The following FGF14 variants were observed in gnomAD, a reference collection of about 807,000 sequenced individuals.
The protein encoded by FGF14 is fibroblast growth factor 14, also known as fibroblast growth factor homologous factor 4.
A neutral mutation model predicts 25.5 loss-of-function variants in FGF14; 5 were observed. That is an observed-to-expected ratio of 0.20 (90% CI 0.10 to 0.41). The LOEUF (loss-of-function observed/expected upper bound fraction) is 0.41, where lower values mean the gene tolerates loss of function less well. Among genes scored for constraint, FGF14 ranks in the 10% least tolerant of loss-of-function variants. The probability of loss-of-function intolerance (pLI) is 1.00; values close to 1 mark genes in which losing one functional copy is unlikely to be tolerated. For synonymous variants in FGF14, 138 were observed against 118.3 expected, an observed-to-expected ratio of 1.17 and a Z score of -1.08; for missense variants, 222 against 320.1, an observed-to-expected ratio of 0.69 and a Z score of 2.34.
intron 1 of FGF14, among the ~76,000 whole-genome samples, chr13:102,288,488 C>T (rs1176461994): frequency 6.6e-6 from 1 of 151,988 alleles, no homozygotes; most frequent in African/African-American, 2.4e-5. Flanking sequence ...CAAAAGTATC[C>T]ACTTTTTGCT....
At chr13:101,748,803 C>A (rs1018251342) in intron 3 of FGF14, among the ~76,000 whole-genome samples, 3 of 144,308 alleles carry the variant, frequency 2.1e-5, no homozygotes, top group Non-Finnish European at 4.5e-5. Flanking sequence ...CCAGCAACTT[C>A]ACTTCTGAGT....
intron 3 of FGF14, among the ~76,000 whole-genome samples, chr13:101,775,368 G>C (rs2039042350): frequency 6.6e-6 from 1 of 152,116 alleles, no homozygotes; most frequent in South Asian, 2.1e-4. Flanking sequence ...GCTAGAAAAA[G>C]AGAATGTATG....
intron 1 of FGF14, among the ~76,000 whole-genome samples, chr13:102,054,012 G>A (rs1032814455): frequency 2.0e-5 from 3 of 152,088 alleles, no homozygotes; most frequent in South Asian, 2.1e-4. Context: ...ATTGCAAGCA[G>A]GTAAGCAATA....
At chr13:101,772,018 C>T (rs904204312) in intron 3 of FGF14, among the ~76,000 whole-genome samples, 5 of 151,954 alleles carry the variant, frequency 3.3e-5, no homozygotes, top group Non-Finnish European at 7.4e-5. Flanking sequence ...ATACAACAGC[C>T]ATTCACATTC....
chr13:102,126,837 G>T (rs192420773), intron 1 of FGF14, among the ~76,000 whole-genome samples: 13 of 152,208 alleles, frequency 8.5e-5, no homozygotes, highest in Admixed American at 7.9e-4. Flanking sequence ...AGAAAACTGG[G>T]ACTAACAAAA....
At chr13:101,885,861 C>T (rs1027312587) in intron 1 of FGF14, among the ~76,000 whole-genome samples, 1 of 152,066 alleles carries the variant, frequency 6.6e-6, no homozygotes, top group Non-Finnish European at 1.5e-5. Context: ...TTTAAAATAC[C>T]ACACTCAGGA....
intron 1 of FGF14, among the ~76,000 whole-genome samples, chr13:101,949,865 T>G (rs1423451477): frequency 1.3e-5 from 2 of 152,210 alleles, no homozygotes; most frequent in African/African-American, 4.8e-5. Context: ...ACTTCCCTTT[T>G]CTAGAAATTC....
intron 1 of FGF14, among the ~76,000 whole-genome samples, chr13:102,025,651 T>C (rs913983692): frequency 6.6e-6 from 1 of 152,016 alleles, no homozygotes; most frequent in East Asian, 1.9e-4. Flanking sequence ...TCAAGTCATC[T>C]GCCTGTCTCA....
At position 102,004,762 on chromosome 13, in the gene FGF14, G is replaced by T. The variant is rs540967514; in HGVS notation, c.209-129466C>A. Among the ~76,000 whole-genome samples the T allele has an allele frequency of 3.1e-3, 467 of 152,262 alleles. 4 individuals are homozygous for T. Among genetic ancestry groups the T allele is most frequent in the African/African-American group, 0.011 (439 of 41,554 alleles). ...GATGGGAGGTAATTGAATCATGGGG[G>T]CTGTAACCCCCATGCTGCTGTTCTC... On this transcript the variant is annotated intron_variant, in intron 1 of 4. Coordinates refer to the FGF14 transcript ENST00000376131.
At chr13:101,744,022 A>G (rs1288319456) in intron 3 of FGF14, among the ~76,000 whole-genome samples, 1 of 152,198 alleles carries the variant, frequency 6.6e-6, no homozygotes, top group African/African-American at 2.4e-5. Flanking sequence ...GCAGCATTGT[A>G]AAATTGAGAT....
chr13:101,844,041 G>A (rs2043324647), intron 3 of FGF14, among the ~76,000 whole-genome samples: 1 of 151,966 alleles, frequency 6.6e-6, no homozygotes, highest in African/African-American at 2.4e-5. Flanking sequence ...TAAATGAAAT[G>A]TGTTAAAGGA....
At chr13:102,235,608 G>A (rs1467954629) in intron 1 of FGF14, among the ~76,000 whole-genome samples, 1 of 152,176 alleles carries the variant, frequency 6.6e-6, no homozygotes, top group Non-Finnish European at 1.5e-5. Context: ...AAAGGATCAG[G>A]ATCAGGGAAG....
At chr13:102,191,303 G>C (rs903578092) in intron 1 of FGF14, among the ~76,000 whole-genome samples, 3 of 152,146 alleles carry the variant, frequency 2.0e-5, no homozygotes, top group Non-Finnish European at 4.4e-5. Context: ...CTGTGTGCTT[G>C]GGCTGCCACA....
intron 1 of FGF14, among the ~76,000 whole-genome samples, chr13:102,154,357 A>C (rs2047223370): frequency 6.6e-6 from 1 of 151,700 alleles, no homozygotes; most frequent in Non-Finnish European, 1.5e-5. Context: ...GTGGGGGCCA[A>C]TATTCAACAT....
intron 1 of FGF14, among the ~76,000 whole-genome samples, chr13:102,317,638 G>C (rs575632506): frequency 6.6e-5 from 10 of 151,762 alleles, no homozygotes; most frequent in Non-Finnish European, 1.0e-4. Context: ...TAACATACTT[G>C]AGAGGCTTGA....
At chr13:101,973,299 C>A (rs1460981048) in intron 1 of FGF14, among the ~76,000 whole-genome samples, 2 of 151,976 alleles carry the variant, frequency 1.3e-5, no homozygotes, top group African/African-American at 4.8e-5. Context: ...TAAAATATAT[C>A]CATTCTTTCA....
chr13:102,202,106 C>T (rs183161018), intron 1 of FGF14, among the ~76,000 whole-genome samples: 19 of 152,234 alleles, frequency 1.2e-4, no homozygotes, highest in African/African-American at 2.9e-4. Context: ...TCGCCTTCAC[C>T]GCGACTGTAA....
chr13:102,176,881 C>T (rs2048471782), intron 1 of FGF14, among the ~76,000 whole-genome samples: 1 of 103,686 alleles, frequency 9.6e-6, no homozygotes, highest in Admixed American at 9.7e-5. Context: ...ATGTCAATTA[C>T]ACTTTAATCA....
intron 3 of FGF14, among the ~76,000 whole-genome samples, chr13:101,733,779 G>C (rs1445323063): frequency 8.6e-5 from 13 of 151,548 alleles, no homozygotes; most frequent in Non-Finnish European, 1.6e-4. Flanking sequence ...AGCATTTTTT[G>C]GCAGTAAAAA....
Sources: gnomAD v4.1 joint callset for allele counts (sites outside exome capture counted in the v4.1 genomes callset) on GRCh38, gnomAD v4.1.1 for gene constraint, MANE v1.5 for transcripts, NCBI Gene and HGNC (gene_info 2026-07-23, HGNC 2026-07-21) for gene names.